Variants in CTNND2 observed in about 807,000 individuals in gnomAD.
CTNND2 encodes the protein catenin delta 2, also known as catenin delta-2.
A neutral mutation model predicts 144.4 loss-of-function variants in CTNND2; 22 were observed. That is an observed-to-expected ratio of 0.15 (90% confidence interval 0.11 to 0.22). CTNND2 has a LOEUF of 0.22. Among genes scored for constraint, CTNND2 ranks in the 10% least tolerant of loss-of-function variants. The pLI, the probability that CTNND2 is intolerant of heterozygous loss-of-function variation, is 1.00. For synonymous variants in CTNND2, 751 were observed against 695.6 expected, an observed-to-expected ratio of 1.08 and a Z score of -1.25; for missense variants, 1,353 against 1,618.8, an observed-to-expected ratio of 0.84 and a Z score of 2.82.
intron 10 of CTNND2, among the ~76,000 whole-genome samples, chr5:11,223,339 A>G (rs1307716284): frequency 6.6e-6 from 1 of 151,988 alleles, no homozygotes; most frequent in Non-Finnish European, 1.5e-5. Flanking sequence ...TCCCCACTGT[A>G]CTCCAGCAGC....
intron 1 of CTNND2, among the ~76,000 whole-genome samples, chr5:11,881,106 G>C (rs62339960): frequency 0.96 from 144,397 of 150,590 alleles, 69,382 homozygotes; most frequent in East Asian, 1. Context: ...AATTGTAGAT[G>C]CCCTTGTGCC....
chr5:11,154,086 C>T (rs960571936), intron 12 of CTNND2, among the ~76,000 whole-genome samples: 1 of 152,178 alleles, frequency 6.6e-6, no homozygotes, highest in African/African-American at 2.4e-5. Flanking sequence ...TCATGTTTCA[C>T]AGAAAATCCA....
rs116117406 is a variant in CTNND2, at chr5:11,897,695, G to C, written c.37+6122C>G. On this transcript the variant is annotated intron_variant, in intron 1 of 21. Transcript: ENST00000304623. ...CTGCTGAATTTCATGGACCATAGTT[G>C]CTACAAATCAACCAGGGCATTAGAC... 4.8e-3 allele frequency among the ~76,000 whole-genome samples: 733 copies of C among 152,256 alleles called. 6 individuals carry two copies. Among genetic ancestry groups the C allele is most frequent in the African/African-American group, 0.017 (697 of 41,568 alleles).
intron 1 of CTNND2, among the ~76,000 whole-genome samples, chr5:11,737,709 G>A (rs1787769612): frequency 1.3e-5 from 2 of 152,148 alleles, no homozygotes; most frequent in South Asian, 2.1e-4. Context: ...GGAGCCTTTA[G>A]GGAGGTGATT....
intron 9 of CTNND2, among the ~76,000 whole-genome samples, chr5:11,269,138 C>T (rs557130364): frequency 2.6e-5 from 4 of 152,266 alleles, no homozygotes; most frequent in Non-Finnish European, 5.9e-5. Flanking sequence ...ATTAGCTCCC[C>T]GGGATTTAGT....
intron 21 of CTNND2, among the ~76,000 whole-genome samples, chr5:10,974,081 G>A (rs61752745): frequency 0.1 from 15,184 of 152,206 alleles, 945 homozygotes; most frequent in Non-Finnish European, 0.14. Context: ...CAGAAACTCT[G>A]TGCCCATTAA....
At chr5:11,753,797 T>C (rs1788754979) in intron 1 of CTNND2, among the ~76,000 whole-genome samples, 1 of 151,822 alleles carries the variant, frequency 6.6e-6, no homozygotes, top group Admixed American at 6.6e-5. Context: ...ATCCATCTGG[T>C]ACTCAGCTTT....
At chr5:11,720,208 T>C (rs1262893327) in intron 2 of CTNND2, among the ~76,000 whole-genome samples, 1 of 152,160 alleles carries the variant, frequency 6.6e-6, no homozygotes, top group Non-Finnish European at 1.5e-5. Flanking sequence ...AGACCATTTT[T>C]TCCATTAAAA....
At chr5:11,194,816 A>G (rs1053763078) in intron 11 of CTNND2, among the ~76,000 whole-genome samples, 3 of 152,202 alleles carry the variant, frequency 2.0e-5, no homozygotes, top group Non-Finnish European at 4.4e-5. Flanking sequence ...CATTCATAAA[A>G]CAAAAATAGG....
rs145268093 is a variant in CTNND2 at position 11,638,530 on chromosome 5, C to T, written c.175-73474G>A. On this transcript the variant is annotated intron_variant, in intron 2 of 21. Coordinates refer to ENST00000304623, the MANE Select transcript of CTNND2 (RefSeq NM_001332.4). The stretch of plus-strand genomic sequence containing the variant: ...CCCCTTAAATTAAAAATATGTTTCC[C>T]GCACAAAAGTTGCTAAGTGCTCACT... Among the ~76,000 whole-genome samples, 692 of 152,218 alleles carry T rather than the reference C, an allele frequency of 4.5e-3. 3 individuals are homozygous for T. The highest frequency in any genetic ancestry group is 0.015 in the African/African-American group (640 of 41,540).
chr5:11,078,503 T>C (rs1165762831), intron 16 of CTNND2, among the ~76,000 whole-genome samples: 1 of 152,160 alleles, frequency 6.6e-6, no homozygotes, highest in African/African-American at 2.4e-5. Flanking sequence ...AGTATAGTGG[T>C]CTAAATATTC....
At chr5:11,577,766 T>C (rs971705131) in intron 2 of CTNND2, among the ~76,000 whole-genome samples, 1 of 152,232 alleles carries the variant, frequency 6.6e-6, no homozygotes, top group African/African-American at 2.4e-5. Context: ...TGATGCAACA[T>C]CTCATCTATT....
intron 1 of CTNND2, among the ~76,000 whole-genome samples, chr5:11,771,651 T>C (rs1789949283): frequency 2.0e-5 from 3 of 152,232 alleles, no homozygotes; most frequent in Admixed American, 6.5e-5. Flanking sequence ...CCCCCGTCTA[T>C]TTACATAATC....
At chr5:11,130,266 C>CG (rs1034701735) in intron 12 of CTNND2, among the ~76,000 whole-genome samples, 3 of 152,172 alleles carry the variant, frequency 2.0e-5, no homozygotes, top group East Asian at 1.9e-4. Flanking sequence ...CACACCCCCC[C>CG]CATCCACCCA....
chr5:11,555,133 TTAAA>T (rs1167734798), intron 3 of CTNND2, among the ~76,000 whole-genome samples: 10 of 152,152 alleles, frequency 6.6e-5, no homozygotes, highest in African/African-American at 2.4e-4. Flanking sequence ...TCCGCACTGA[TTAAA>T]TAAATGAATA....
At chr5:11,333,743 G>A (rs1191871523) in intron 9 of CTNND2, among the ~76,000 whole-genome samples, 3 of 152,162 alleles carry the variant, frequency 2.0e-5, no homozygotes, top group African/African-American at 4.8e-5. Context: ...ACTGACCCTG[G>A]CGGATTTGCT....
At chr5:11,491,186 C>A (rs1211169935) in intron 3 of CTNND2, among the ~76,000 whole-genome samples, 1 of 152,160 alleles carries the variant, frequency 6.6e-6, no homozygotes, top group Non-Finnish European at 1.5e-5. Context: ...ATTATTATTA[C>A]CACCTAGTAT....
rs1490205461 is a variant in CTNND2, at chr5:11,129,186, A to AATATATATTT, written c.2160-11620_2160-11619insAAATATATAT. 1.7e-4 allele frequency among the ~76,000 whole-genome samples: 8 copies of AATATATATTT among 47,680 alleles called. 1 individual carries two copies. The highest frequency in any genetic ancestry group is 1.0e-3 in the East Asian group (1 of 972). 31.3% of individuals were successfully genotyped at this position (47,680 alleles called of 152,430 possible). A position where few individuals can be genotyped will look rare whatever the true frequency, so the allele number is the denominator to read the frequency against. ...ATTATATATTATATATTTTATATAT[A>AATATATATTT]ATATATAATATATATTATATATTTA... On this transcript the variant is annotated intron_variant, in intron 12 of 21. Coordinates refer to ENST00000304623, the MANE Select transcript of CTNND2 (RefSeq NM_001332.4).
At chr5:11,088,206 A>G (rs1428629043) in intron 15 of CTNND2, among the ~76,000 whole-genome samples, 1 of 152,172 alleles carries the variant, frequency 6.6e-6, no homozygotes, top group Non-Finnish European at 1.5e-5. Context: ...AGTGCATGGT[A>G]TGAGACTCAG....
Sources: allele counts gnomAD v4.1 joint callset (sites outside exome capture counted in the v4.1 genomes callset), GRCh38; gene constraint gnomAD v4.1.1; transcripts MANE v1.5; gene names NCBI Gene and HGNC (gene_info 2026-07-23, HGNC 2026-07-21).